PTPRG: variants seen among roughly 807,000 people sequenced by gnomAD.
The protein encoded by PTPRG is protein tyrosine phosphatase receptor type G, also known as receptor-type tyrosine-protein phosphatase gamma.
In PTPRG, 102 loss-of-function variants were observed where a neutral mutation model predicts 165.3. That is an observed-to-expected ratio of 0.62 (90% CI 0.53 to 0.73). The LOEUF (loss-of-function observed/expected upper bound fraction) is 0.73, where lower values mean the gene tolerates loss of function less well. Among genes scored for constraint, PTPRG ranks in the 30% least tolerant of loss-of-function variants. The pLI is 0.00. For missense variants in PTPRG, 1,866 were observed against 1,861.4 expected (o/e 1.00, Z -0.05); for synonymous variants, 675 against 669.5 (o/e 1.01, Z -0.13).
intron 1 of PTPRG, among the ~76,000 whole-genome samples, chr3:61,597,873 T>C (rs1264978448): frequency 6.6e-6 from 1 of 152,248 alleles, no homozygotes. Context: ...TAAAGCATTT[T>C]GGAGCCATTG....
rs551346310 is a variant in PTPRG at position 61,819,336 on chromosome 3, T to C, written c.190+70354T>C. On this transcript the variant is annotated intron_variant, in intron 2 of 29. Transcript: ENST00000474889. The stretch of plus-strand genomic sequence containing the variant: ...ACCTCAAAGCTTGAGGAAGCATTGA[T>C]GACATAAGTAGAGGTCGGTAAATGA... 2.0e-5 allele frequency among the ~76,000 whole-genome samples: 3 copies of C among 152,338 alleles called. No individual in the cohort carries two copies. In the South Asian group the frequency reaches 6.2e-4, roughly 32 times the overall value.
At chr3:61,609,008 G>A (rs1281220023) in intron 1 of PTPRG, among the ~76,000 whole-genome samples, 1 of 152,216 alleles carries the variant, frequency 6.6e-6, no homozygotes, top group Admixed American at 6.5e-5. Context: ...TGCCCTCGAT[G>A]TGTGAGGTTG....
chr3:61,973,859 A>C (rs1335522392), intron 2 of PTPRG, among the ~76,000 whole-genome samples: 1 of 151,914 alleles, frequency 6.6e-6, no homozygotes, highest in Non-Finnish European at 1.5e-5. Flanking sequence ...TAAATAAATA[A>C]AAGATTGGTT....
At chr3:61,797,022 T>G (rs946733494) in intron 2 of PTPRG, among the ~76,000 whole-genome samples, 6 of 152,132 alleles carry the variant, frequency 3.9e-5, no homozygotes, top group African/African-American at 1.4e-4. Flanking sequence ...AGAAATCAAG[T>G]GAGGGACTGT....
At chr3:61,665,439 C>G (rs1278844834) in intron 1 of PTPRG, among the ~76,000 whole-genome samples, 2 of 146,990 alleles carry the variant, frequency 1.4e-5, no homozygotes, top group Non-Finnish European at 3.0e-5. Flanking sequence ...GAAAGAAAAC[C>G]CAAAGCTAAG....
At chr3:61,887,170 A>ATATATATATATATTTTTTTTTTTT (rs60282456) in intron 2 of PTPRG, among the ~76,000 whole-genome samples, 1 of 115,532 alleles carries the variant, frequency 8.7e-6, no homozygotes, top group African/African-American at 3.3e-5. Flanking sequence ...ATATATATAT[A>ATATATATATATATTTTTTTTTTTT]TTTTTAATGC....
At chr3:61,662,267 T>C (rs1366017102) in intron 1 of PTPRG, among the ~76,000 whole-genome samples, 1 of 152,174 alleles carries the variant, frequency 6.6e-6, no homozygotes, top group Non-Finnish European at 1.5e-5. Context: ...AGAGACAATA[T>C]CTCTAAAGAG....
intron 4 of PTPRG, among the ~76,000 whole-genome samples, chr3:62,069,841 A>C (rs1312799889): frequency 6.6e-6 from 1 of 152,164 alleles, no homozygotes; most frequent in African/African-American, 2.4e-5. Flanking sequence ...TGCAGTGTAG[A>C]GGCAGAATTC....
intron 13 of PTPRG, among the ~76,000 whole-genome samples, chr3:62,220,414 A>G (rs1256529926): frequency 6.6e-6 from 1 of 152,202 alleles, no homozygotes; most frequent in East Asian, 1.9e-4. Context: ...GAAGGACACG[A>G]TTGTGTCTCA....
At chr3:62,119,441 G>T (rs1212167145) in intron 5 of PTPRG, among the ~76,000 whole-genome samples, 1 of 152,194 alleles carries the variant, frequency 6.6e-6, no homozygotes, top group Non-Finnish European at 1.5e-5. Flanking sequence ...TGGGAACAAT[G>T]CGGGCAAAGG....
Position 62,244,320 on chromosome 3 carries a change from T to A in PTPRG, c.2467+422T>A, listed in dbSNP as rs544486833. Among the ~76,000 whole-genome samples, 3 of 152,356 alleles carry A rather than the reference T, an allele frequency of 2.0e-5. No individual in the cohort carries two copies. In the East Asian group the frequency reaches 5.8e-4, roughly 29 times the overall value. On this transcript the variant is annotated intron_variant, in intron 15 of 29. Coordinates refer to ENST00000474889, the MANE Select transcript of PTPRG (RefSeq NM_002841.4). ...GAATACATTACTGGTCTGGTGGATA[T>A]TTCACTTTTCTTCTAGTAAGAAGAT...
At chr3:62,230,137 A>G (rs965597701) in intron 13 of PTPRG, among the ~76,000 whole-genome samples, 1 of 152,162 alleles carries the variant, frequency 6.6e-6, no homozygotes, top group African/African-American at 2.4e-5. Context: ...CCCCCTTTTA[A>G]TCGTATTTCC....
intron 1 of PTPRG, among the ~76,000 whole-genome samples, chr3:61,628,361 G>A (rs1429694953): frequency 2.6e-5 from 4 of 151,852 alleles, no homozygotes; most frequent in Non-Finnish European, 5.9e-5. Flanking sequence ...CTGTTGCCCA[G>A]GCTGGAGTGC....
In PTPRG at chr3:61,718,473, CAT is replaced by C. The variant is rs200646470; in HGVS notation, c.86-30404_86-30403del. Among the ~76,000 whole-genome samples, 1,061 of 152,272 alleles carry C rather than the reference CAT, an allele frequency of 7.0e-3. 17 individuals carry two copies. The highest frequency in any genetic ancestry group is 0.028 in the South Asian group (136 of 4,826). ...TCAGCGGGTTAAAAGACTACACAAT[CAT>C]GTGACATTGTGACATTGTGATGTGA... On this transcript the variant is annotated intron_variant, in intron 1 of 29. Transcript: ENST00000474889.
chr3:61,981,945 A>G (rs796909776), intron 2 of PTPRG, among the ~76,000 whole-genome samples: 3 of 152,180 alleles, frequency 2.0e-5, no homozygotes, highest in Non-Finnish European at 4.4e-5. Flanking sequence ...TAGTCATACA[A>G]TTTGTGAGTT....
At chr3:62,282,901 G>A (rs1160646042) in intron 28 of PTPRG, 32 bp downstream of exon 28, 2 of 1,568,160 alleles carry the variant, frequency 1.3e-6, no homozygotes, top group Admixed American at 1.9e-5. Context: ...TTAAAATGTA[G>A]ACCGTTTTTT....
intron 13 of PTPRG, among the ~76,000 whole-genome samples, chr3:62,227,712 C>G (rs1443338514): frequency 2.6e-5 from 4 of 152,128 alleles, no homozygotes; most frequent in African/African-American, 7.2e-5. Context: ...CACTGGAGAG[C>G]CATTGAGGGG....
At chr3:61,812,866 TTAATG>T (rs1272024295) in intron 2 of PTPRG, among the ~76,000 whole-genome samples, 2 of 152,222 alleles carry the variant, frequency 1.3e-5, no homozygotes, top group African/African-American at 4.8e-5. Context: ...TGATGAATAT[TTAATG>T]TGCTCCTACT....
intron 1 of PTPRG, among the ~76,000 whole-genome samples, chr3:61,577,858 C>T (rs1700201898): frequency 6.6e-6 from 1 of 152,202 alleles, no homozygotes; most frequent in East Asian, 1.9e-4. Flanking sequence ...AGAAGGTTGT[C>T]TCCTAGAAGA....
Sources: allele counts gnomAD v4.1 joint callset (sites outside exome capture counted in the v4.1 genomes callset), GRCh38; gene constraint gnomAD v4.1.1; transcripts MANE v1.5; gene names NCBI Gene and HGNC (gene_info 2026-07-23, HGNC 2026-07-21).